Variants in INSRR observed in about 807,000 individuals in gnomAD.
INSRR encodes the protein insulin receptor-related protein.
INSRR carries 114 observed loss-of-function variants against 130.0 expected under a neutral mutation model. The ratio of observed to expected loss-of-function variants is 0.88; its 90% CI spans 0.75 to 1.02. The LOEUF (loss-of-function observed/expected upper bound fraction) is 1.02. INSRR is among the 50% of genes least tolerant of loss of function. The probability of loss-of-function intolerance (pLI) is 0.00; values close to 1 mark genes in which losing one functional copy is unlikely to be tolerated. For missense variants in INSRR, 1,657 were observed against 1,735.2 expected (o/e 0.95, Z 0.80); for synonymous variants, 674 against 705.2 (o/e 0.96, Z 0.70).
Position 156,850,308 on chromosome 1 carries a change from T to C in INSRR, c.1230-848A>G, listed in dbSNP as rs535304039. Among the ~76,000 whole-genome samples the C allele has an allele frequency of 1.7e-4, 26 of 152,070 alleles. No homozygotes were observed. In the South Asian group the frequency reaches 5.2e-3, roughly 30 times the overall value. ...CTCAGTGTAACCCCTGTCTCCCAGG[T>C]TCAAGTGATTCTCCTGCCTCAGCCT... On this transcript the variant is annotated intron_variant, in intron 5 of 21. Coordinates refer to ENST00000368195, the MANE Select transcript of INSRR (RefSeq NM_014215.3).
At chr1:156,842,367 T>G in intron 18 of INSRR, 31 bp downstream of exon 18, 10 of 1,613,164 alleles carry the variant, frequency 6.2e-6, no homozygotes, top group Non-Finnish European at 8.5e-6. Context: ...CCAACCCTTC[T>G]TTCACTCCCC....
chr1:156,848,445 A>C (rs1655086109), intron 7 of INSRR, among the ~76,000 whole-genome samples: 1 of 151,964 alleles, frequency 6.6e-6, no homozygotes, highest in Non-Finnish European at 1.5e-5. Context: ...CACTATCCTC[A>C]TTGTTAGGGT....
chr1:156,846,205 A>G (rs1483214539), intron 8 of INSRR, 86 bp from the exon 9 acceptor site: 1 of 1,367,106 alleles, frequency 7.3e-7, no homozygotes, highest in East Asian at 2.4e-5. Context: ...TCTGGGGTCC[A>G]ACAGCCTTGT....
intron 1 of INSRR, among the ~76,000 whole-genome samples, chr1:156,855,586 G>T (rs1332540302): frequency 6.6e-6 from 1 of 152,150 alleles, no homozygotes; most frequent in African/African-American, 2.4e-5. Context: ...ACTTTGGGAG[G>T]CCGAGGTGGG....
In INSRR at chr1:156,845,416, G is replaced by C. The variant is rs369747098; in HGVS notation, c.2175-3C>G. The C allele has an allele frequency of 1.9e-6, 3 of 1,551,388 alleles. No homozygotes were observed. The African/African-American group carries it at 4.1e-5, about 21-fold the overall frequency. On this transcript the variant is annotated splice_region_variant and splice_polypyrimidine_tract_variant and intron_variant, in intron 10 of 21. Coordinates refer to ENST00000368195, the MANE Select transcript of INSRR (RefSeq NM_014215.3). ...TGGACGTCACCTTCCAAGGGGATCT[G>C]GGGAGGCCAGGAGTAGCCCTATCAG...
At chr1:156,848,879 G>A (rs181620408) in intron 7 of INSRR, 42 bp downstream of exon 7, 1 of 1,541,774 alleles carries the variant, frequency 6.5e-7, no homozygotes, top group Non-Finnish European at 8.8e-7. Flanking sequence ...AATTGGCCTC[G>A]TCCGGTCCCG....
chr1:156,845,541 A>AACCCC, intron 10 of INSRR, 78 bp downstream of exon 10: 136 of 1,288,108 alleles, frequency 1.1e-4, no homozygotes, highest in Non-Finnish European at 1.3e-4. Context: ...CCACCCACAA[A>AACCCC]CCCCACCCCT....
At chr1:156,850,474 A>T (rs1655163399) in intron 5 of INSRR, among the ~76,000 whole-genome samples, 1 of 150,768 alleles carries the variant, frequency 6.6e-6, no homozygotes, top group Non-Finnish European at 1.5e-5. Flanking sequence ...TGCCCTCCCA[A>T]AGTGCAGAGA....
chr1:156,852,246 C>T, intron 2 of INSRR, 55 bp from the exon 3 acceptor site: 1 of 1,500,638 alleles, frequency 6.7e-7, no homozygotes, highest in Non-Finnish European at 9.0e-7. Flanking sequence ...TCCTGGCTGT[C>T]CTTCCAATGC....
chr1:156,845,892 C>A lies in INSRR; in HGVS notation c.1978+60G>T, dbSNP rs1654986953. 1.4e-5 allele frequency: 22 copies of A among 1,597,388 alleles called. No homozygotes were observed. In the South Asian group the frequency reaches 2.3e-4, roughly 17 times the overall value. ...ATCCCCCCCACCTGCCGGGGCCCTGCGCCTCCATCTCCCCTTCCCCACCCG... is the reference window on the plus strand; with the variant it reads ...ATCCCCCCCACCTGCCGGGGCCCTGAGCCTCCATCTCCCCTTCCCCACCCG... On this transcript the variant is annotated intron_variant, in intron 9 of 21. Transcript: ENST00000368195.
intron 1 of INSRR, among the ~76,000 whole-genome samples, chr1:156,857,163 A>ATGTGTGTGTGTGTGTGTG (rs57324546): frequency 7.7e-6 from 1 of 130,536 alleles, no homozygotes; most frequent in Non-Finnish European, 1.7e-5. Flanking sequence ...GCAGCTGTGT[A>ATGTGTGTGTGTGTGTGTG]TGTGTGTGTG....
At chr1:156,856,824 G>A (rs945765342) in intron 1 of INSRR, among the ~76,000 whole-genome samples, 5 of 152,052 alleles carry the variant, frequency 3.3e-5, no homozygotes, top group African/African-American at 9.7e-5. Flanking sequence ...GGTGTGTCTC[G>A]CTTCTTCACT....
rs1571670497 is a variant in INSRR, at chr1:156,852,104, T to G, written c.725A>C (p.Asp242Ala). Residue 242 changes from aspartate (D) to alanine (A), a missense_variant, in exon 3 of 22, where the codon GAC becomes GCC. Coordinates refer to ENST00000368195, the MANE Select transcript of INSRR (RefSeq NM_014215.3). ...GCGGCAAGCTACACAGGCACGAGGGTCTTCTGGCTGGCTGCAGCCCCCCAG... is the reference window on the plus strand; with the variant it reads ...GCGGCAAGCTACACAGGCACGAGGGGCTTCTGGCTGGCTGCAGCCCCCCAG... ...ECLGGCSQPE[D>A]PRACVACRHL... 6.2e-7 allele frequency: 1 copy of G among 1,613,526 alleles called. No homozygotes were observed. The highest frequency in any genetic ancestry group is 8.5e-7 in the Non-Finnish European group (1 of 1,179,936).
At position 156,840,755 on chromosome 1, in the gene INSRR, C is replaced by CA. The variant is rs752527949; in HGVS notation, c.*117_*118insT. ...TTCCCTGCTCCTGTTCTCTGCCCCA[C>CA]CCTCGGCCATCCCTTGCCCTGAGTT... On this transcript the variant is annotated 3_prime_UTR_variant, in exon 22 of 22. Coordinates refer to ENST00000368195, the MANE Select transcript of INSRR (RefSeq NM_014215.3). 1,330 of 782,444 alleles carry CA rather than the reference C, an allele frequency of 1.7e-3. 5 individuals are homozygous for CA. Among genetic ancestry groups the CA allele is most frequent in the Non-Finnish European group, 2.4e-3 (1,125 of 465,610 alleles). The allele number at this position is 782,444 out of a possible 1,614,324, so 48.5% of individuals were successfully genotyped here.
At chr1:156,842,914 G>T (rs921989048) in intron 17 of INSRR, 90 bp downstream of exon 17, 3 of 990,446 alleles carry the variant, frequency 3.0e-6, no homozygotes, top group African/African-American at 1.6e-5. Context: ...GACCTTAATG[G>T]TGCCCTAACC....
chr1:156,846,544 G>A lies in INSRR; in HGVS notation c.1785C>T (p.Ile595=), dbSNP rs537871557. 54 of 1,614,064 alleles carry A rather than the reference G, an allele frequency of 3.3e-5. No individual in the cohort carries two copies. The highest frequency in any genetic ancestry group is 2.2e-4 in the Admixed American group (13 of 60,018). Residue 595 remains isoleucine, a synonymous_variant, in exon 8 of 22, where the codon ATC becomes ATT. Coordinates refer to ENST00000368195, the MANE Select transcript of INSRR (RefSeq NM_014215.3). ...DSPHQGAQSP[I]VYLRTLPAAP... Reference sequence around the variant, plus strand: ...CTGCAGGCAGCGTTCGGAGGTAGACGATGGGACTCTGGGCTCCTTGATGAG... The same window carrying A: ...CTGCAGGCAGCGTTCGGAGGTAGACAATGGGACTCTGGGCTCCTTGATGAG...
At position 156,854,224 on chromosome 1, in the gene INSRR, C is replaced by T; in HGVS notation, c.165G>A (p.Leu55=). The T allele has an allele frequency of 6.2e-7, 1 of 1,613,970 alleles. No homozygotes were observed. The highest frequency in any genetic ancestry group is 8.5e-7 in the Non-Finnish European group (1 of 1,180,032). ...LENCSVVEGH[L]QILLMFTATG... is the part of the protein sequence containing the mutation. ...TGGCTGTGAACATGAGCAGGATCTG[C>T]AGGTGGCCCTCCACCACGCTGCAGT... is the stretch of plus-strand genomic sequence containing the variant. The change falls in exon 2 of 22, where the codon CTG becomes CTA. Residue 55 remains leucine (L), a synonymous_variant. Transcript: ENST00000368195. This position sits in a 1 kb window ranked among gnomAD's most constrained non-coding sequence, Gnocchi z 4.2.
Position 156,844,693 on chromosome 1 carries a change from C to T in INSRR, c.2574+14G>A, listed in dbSNP as rs1357570246. ...ACAAAACGGGGCTGGGACGGGGGTC[C>T]CACGGGCACCTACCTCTCCCAAGCG... On this transcript the variant is annotated intron_variant, in intron 13 of 21. Transcript: ENST00000368195. The T allele has an allele frequency of 6.2e-7, 1 of 1,614,046 alleles. No homozygotes were observed. The highest frequency in any genetic ancestry group is 1.7e-5 in the Admixed American group (1 of 60,028).
At position 156,845,253 on chromosome 1, in the gene INSRR, C is replaced by T. The variant is rs375340161; in HGVS notation, c.2260G>A (p.Gly754Arg). ...HRRAAGPLRL[G>R]GNSSDFEIQE... is the part of the protein sequence containing the mutation. Reference sequence around the variant, plus strand: ...ATCTCGAAATCCGAGCTGTTGCCCCCCAGCCGGAGGGGCCCAGCTGCCCGG... The same window carrying T: ...ATCTCGAAATCCGAGCTGTTGCCCCTCAGCCGGAGGGGCCCAGCTGCCCGG... The change falls in exon 12 of 22, where the codon GGG becomes AGG. Residue 754 changes from glycine to arginine, a missense_variant. Transcript: ENST00000368195. 6.2e-7 allele frequency: 1 copy of T among 1,611,592 alleles called. No homozygotes were observed. Among genetic ancestry groups the T allele is most frequent in the Non-Finnish European group, 8.5e-7 (1 of 1,179,004 alleles).
Sources: allele counts gnomAD v4.1 joint callset (sites outside exome capture counted in the v4.1 genomes callset), GRCh38; gene constraint gnomAD v4.1.1; non-coding constraint Gnocchi (gnomAD v3.1); transcripts MANE v1.5; gene names NCBI Gene and HGNC (gene_info 2026-07-23, HGNC 2026-07-21).